The following GMDS variants were observed in gnomAD, a reference collection of about 807,000 sequenced individuals.
The protein encoded by GMDS is GDP-mannose 4,6-dehydratase, also known as GDP-mannose 4,6 dehydratase.
A neutral mutation model predicts 49.9 loss-of-function variants in GMDS; 20 were observed. That is an observed-to-expected ratio of 0.40 (90% CI 0.28 to 0.58). The LOEUF (loss-of-function observed/expected upper bound fraction) is 0.58, where lower values mean the gene tolerates loss of function less well. Among genes scored for constraint, GMDS ranks in the 20% least tolerant of loss-of-function variants. The probability of loss-of-function intolerance (pLI) is 0.42; values close to 1 mark genes in which losing one functional copy is unlikely to be tolerated. For missense variants in GMDS, 362 were observed against 481.4 expected (o/e 0.75, Z 2.32); for synonymous variants, 177 against 178.6 (o/e 0.99, Z 0.07).
chr6:2,169,912 A>C (rs1219581241), intron 1 of GMDS, among the ~76,000 whole-genome samples: 1 of 152,086 alleles, frequency 6.6e-6, no homozygotes, highest in African/African-American at 2.4e-5. Context: ...GTATATTAGA[A>C]AAGAGGACTG....
chr6:2,094,263 G>T (rs1773473672), intron 4 of GMDS, among the ~76,000 whole-genome samples: 1 of 152,210 alleles, frequency 6.6e-6, no homozygotes, highest in South Asian at 2.1e-4. Context: ...AACAGACTAA[G>T]ATTTTTTGTT....
intron 6 of GMDS, chr6:1,951,805 T>A: frequency 1.7e-6 from 1 of 604,958 alleles, no homozygotes; most frequent in Non-Finnish European, 2.1e-6. Flanking sequence ...TATAAAACTA[T>A]GTTTATTGTA....
intron 1 of GMDS, among the ~76,000 whole-genome samples, chr6:2,182,227 GAAGAA>G (rs1409583652): frequency 1.3e-5 from 2 of 152,228 alleles, no homozygotes; most frequent in Non-Finnish European, 2.9e-5. Context: ...GGAAATTGCA[GAAGAA>G]AAGCTGGAAG....
At chr6:2,146,976 A>G (rs1776586991) in intron 1 of GMDS, among the ~76,000 whole-genome samples, 1 of 152,208 alleles carries the variant, frequency 6.6e-6, no homozygotes, top group Admixed American at 6.5e-5. Context: ...GGTAGAAAGA[A>G]CGGTGCATCC....
At chr6:1,905,101 G>A (rs1760690380) in intron 7 of GMDS, among the ~76,000 whole-genome samples, 1 of 152,224 alleles carries the variant, frequency 6.6e-6, no homozygotes, top group South Asian at 2.1e-4. Flanking sequence ...CGACTTACCT[G>A]CATGTGCTCT....
intron 4 of GMDS, among the ~76,000 whole-genome samples, chr6:2,052,885 C>T (rs1314384819): frequency 6.6e-6 from 1 of 152,142 alleles, no homozygotes; most frequent in Non-Finnish European, 1.5e-5. Context: ...ATAGAAAGAG[C>T]CTCTGTCTAC....
At chr6:1,999,227 C>T (rs572538849) in intron 4 of GMDS, among the ~76,000 whole-genome samples, 10 of 149,054 alleles carry the variant, frequency 6.7e-5, no homozygotes, top group African/African-American at 2.5e-4. Flanking sequence ...GAGGCTGAGG[C>T]AGGAGAATCG....
chr6:1,848,288 G>C (rs1366651005), intron 7 of GMDS, among the ~76,000 whole-genome samples: 1 of 151,928 alleles, frequency 6.6e-6, no homozygotes, highest in Admixed American at 6.6e-5. Context: ...TCCAACCTCT[G>C]TGCCTCTGCT....
chr6:2,080,807 G>C (rs1251378429), intron 4 of GMDS, among the ~76,000 whole-genome samples: 1 of 152,138 alleles, frequency 6.6e-6, no homozygotes, highest in Non-Finnish European at 1.5e-5. Flanking sequence ...AAAATGCGAA[G>C]ATTAATTCTG....
chr6:1,962,970 G>C (rs755398757), intron 4 of GMDS, among the ~76,000 whole-genome samples: 1 of 149,584 alleles, frequency 6.7e-6, no homozygotes, highest in Non-Finnish European at 1.5e-5. Flanking sequence ...TCTGCCTCCC[G>C]GGTTCAAGTG....
In GMDS at chr6:2,123,443, C is replaced by G. The variant is rs543944641; in HGVS notation, c.147+1244G>C. On this transcript the variant is annotated intron_variant, in intron 2 of 10. Transcript: ENST00000380815. ...TCATTTTCTAGGTTCACTCGATACA[C>G]AACAACATCACTAATTCCTCTCTAG... is the stretch of plus-strand genomic sequence containing the variant. Among the ~76,000 whole-genome samples the G allele has an allele frequency of 2.2e-3, 333 of 151,740 alleles. 1 individual carries two copies. Among genetic ancestry groups the G allele is most frequent in the African/African-American group, 7.8e-3 (320 of 41,008 alleles).
chr6:1,650,788 C>T (rs1292930684), intron 9 of GMDS, among the ~76,000 whole-genome samples: 5 of 152,014 alleles, frequency 3.3e-5, no homozygotes, highest in Admixed American at 3.3e-4. Context: ...CCATGTTGTC[C>T]AGGCTGATCT....
chr6:1,892,737 G>A (rs1759930423), intron 7 of GMDS, among the ~76,000 whole-genome samples: 1 of 152,076 alleles, frequency 6.6e-6, no homozygotes, highest in African/African-American at 2.4e-5. Flanking sequence ...AATTTATCAG[G>A]GTGGCTTTAG....
At chr6:1,754,927 A>G (rs375170392) in intron 7 of GMDS, among the ~76,000 whole-genome samples, 12 of 152,348 alleles carry the variant, frequency 7.9e-5, no homozygotes, top group African/African-American at 2.9e-4. Flanking sequence ...ACCCACAGCC[A>G]ATATCATACT....
At chr6:1,676,136 T>A (rs1423378307) in intron 9 of GMDS, among the ~76,000 whole-genome samples, 1 of 152,056 alleles carries the variant, frequency 6.6e-6, no homozygotes, top group Non-Finnish European at 1.5e-5. Flanking sequence ...TATACACCAA[T>A]AACAGACAAA....
chr6:1,879,839 T>C lies in GMDS; in HGVS notation c.771+50264A>G, dbSNP rs564041687. ...ATCGTGTATGAGACCTCAGAGATAGTACAGCCTTTCTAGGATGATAACATT... is the reference window on the plus strand; with the variant it reads ...ATCGTGTATGAGACCTCAGAGATAGCACAGCCTTTCTAGGATGATAACATT... On this transcript the variant is annotated intron_variant, in intron 7 of 10. Coordinates refer to ENST00000380815, the MANE Select transcript of GMDS (RefSeq NM_001500.4). Among the ~76,000 whole-genome samples the C allele has an allele frequency of 2.6e-5, 4 of 152,286 alleles. No individual in the cohort carries two copies. The South Asian group carries it at 8.3e-4, about 32-fold the overall frequency.
At chr6:1,938,844 AT>A (rs1043977605) in intron 6 of GMDS, among the ~76,000 whole-genome samples, 2 of 151,436 alleles carry the variant, frequency 1.3e-5, no homozygotes, top group Admixed American at 6.6e-5. Flanking sequence ...CTTTGCTCTT[AT>A]CTGTAATAGT....
At chr6:2,189,536 G>A (rs897109549) in intron 1 of GMDS, among the ~76,000 whole-genome samples, 2 of 152,150 alleles carry the variant, frequency 1.3e-5, no homozygotes, top group Non-Finnish European at 1.5e-5. Flanking sequence ...ATCTGGGATG[G>A]GGCCCAGGAA....
intron 1 of GMDS, among the ~76,000 whole-genome samples, chr6:2,211,289 A>T (rs1442365396): frequency 1.3e-5 from 2 of 152,170 alleles, no homozygotes; most frequent in Admixed American, 6.5e-5. Context: ...TTACACACGT[A>T]CTTGACGTCT....
Sources: allele counts gnomAD v4.1 joint callset (sites outside exome capture counted in the v4.1 genomes callset), GRCh38; gene constraint gnomAD v4.1.1; transcripts MANE v1.5; gene names NCBI Gene and HGNC (gene_info 2026-07-23, HGNC 2026-07-21).